The following ATAD3A variants were observed in gnomAD, a reference collection of about 807,000 sequenced individuals.
ATAD3A encodes ATPase family AAA domain containing 3A.
In ATAD3A, 46 loss-of-function variants were observed where a neutral mutation model predicts 73.8. The observed-to-expected ratio is 0.62, with a 90% CI of 0.49 to 0.80. The LOEUF is 0.80. ATAD3A is among the 30% of genes least tolerant of loss of function. ATAD3A has a pLI of 0.00. For synonymous variants in ATAD3A, 319 were observed against 350.0 expected (o/e 0.91, Z 0.99); for missense variants, 705 against 838.0 (o/e 0.84, Z 1.96).
intron 4 of ATAD3A, among the ~76,000 whole-genome samples, chr1:1,518,622 C>CT (rs1557460783): frequency 8.7e-4 from 40 of 45,782 alleles, no homozygotes; most frequent in East Asian, 6.7e-3. Context: ...GGCGTACACA[C>CT]CCCCCCCCAC....
intron 5 of ATAD3A, 84 bp downstream of exon 5, chr1:1,519,074 C>T (rs1485342368): frequency 2.8e-5 from 45 of 1,608,724 alleles, no homozygotes; most frequent in South Asian, 2.5e-4. Context: ...TGAGTTCTGC[C>T]GCCCGGCCCC....
chr1:1,516,570 A>G (rs550816284), intron 2 of ATAD3A, among the ~76,000 whole-genome samples: 14 of 151,844 alleles, frequency 9.2e-5, no homozygotes, highest in African/African-American at 3.4e-4. Flanking sequence ...CCGCCACCAC[A>G]CCTGGCTAAT....
At chr1:1,527,435 A>G (rs1403461038) in intron 13 of ATAD3A, among the ~76,000 whole-genome samples, 1 of 152,120 alleles carries the variant, frequency 6.6e-6, no homozygotes, top group Admixed American at 6.5e-5. Flanking sequence ...GCAGCAGGAG[A>G]GAGTGGTGTT....
intron 15 of ATAD3A, among the ~76,000 whole-genome samples, chr1:1,533,269 C>T (rs1307326608): frequency 3.9e-5 from 6 of 152,242 alleles, no homozygotes; most frequent in Non-Finnish European, 2.9e-5. Flanking sequence ...CTGACCCTGA[C>T]CCTGACCCAC....
Position 1,534,455 on chromosome 1 carries a change from A to C in ATAD3A, c.*383A>C. 1 of 1,194,422 alleles carries C rather than the reference A, an allele frequency of 8.4e-7. No individual in the cohort carries two copies. The highest frequency in any genetic ancestry group is 2.7e-5 in the South Asian group (1 of 37,230). 74.0% of individuals were successfully genotyped at this position (1,194,422 alleles called of 1,614,324 possible). ...TGATGTCTTTGTTCTCGGCTCCCAC[A>C]GCAGAGCCAGGTGAGGGGGCGCCTG... On this transcript the variant is annotated 3_prime_UTR_variant, in exon 16 of 16. Coordinates refer to ENST00000378756, the MANE Select transcript of ATAD3A (RefSeq NM_001170535.3).
chr1:1,512,951 T>C (rs1641248204), intron 1 of ATAD3A, among the ~76,000 whole-genome samples: 1 of 152,206 alleles, frequency 6.6e-6, no homozygotes, highest in South Asian at 2.1e-4. Flanking sequence ...TGGAAGACGT[T>C]AGCATTTGCA....
At position 1,534,081 on chromosome 1, in the gene ATAD3A, G is replaced by A; in HGVS notation, c.*9G>A. Reference sequence around the variant, plus strand: ...AGCCCTCCCCATCCTGAGTCCACAGGGAGATCCACAGCTCACGGAGCCTGG... The same window carrying A: ...AGCCCTCCCCATCCTGAGTCCACAGAGAGATCCACAGCTCACGGAGCCTGG... On this transcript the variant is annotated 3_prime_UTR_variant, in exon 16 of 16. Transcript: ENST00000378756. The A allele has an allele frequency of 1.2e-6, 2 of 1,613,388 alleles. No individual in the cohort carries two copies. Among genetic ancestry groups the A allele is most frequent in the East Asian group, 2.2e-5 (1 of 44,868 alleles).
intron 14 of ATAD3A, 112 bp downstream of exon 14, chr1:1,527,974 T>C (rs1641909641): frequency 2.3e-6 from 3 of 1,306,166 alleles, no homozygotes; most frequent in South Asian, 1.5e-5. Flanking sequence ...TTTTTTTTTT[T>C]TTGAGACAAA....
At chr1:1,529,170 C>A in intron 14 of ATAD3A, 53 bp from the exon 15 acceptor site, 1 of 1,595,092 alleles carries the variant, frequency 6.3e-7, no homozygotes, top group Non-Finnish European at 8.5e-7. Context: ...GCCTCCACCT[C>A]GTGTTGTGGG....
rs188140923 is a variant in ATAD3A at position 1,514,588 on chromosome 1, C to G, written c.206-1424C>G. On this transcript the variant is annotated intron_variant, in intron 1 of 15. Transcript: ENST00000378756. The stretch of plus-strand genomic sequence containing the variant: ...CGTCAGCCCAGTTCGTGCCTAACCA[C>G]AGGCCCAAGCAGACCCACCCCAACA... Among the ~76,000 whole-genome samples, 536 of 152,354 alleles carry G rather than the reference C, an allele frequency of 3.5e-3. 3 individuals carry two copies. Among genetic ancestry groups the G allele is most frequent in the African/African-American group, 0.012 (515 of 41,594 alleles).
At chr1:1,527,639 C>T (rs1268515908) in intron 13 of ATAD3A, 56 bp from the exon 14 acceptor site, 8 of 1,559,748 alleles carry the variant, frequency 5.1e-6, no homozygotes, top group Non-Finnish European at 6.9e-6. Context: ...CCCCGTTCCC[C>T]TTGGTGCAGC....
rs145750106 is a variant in ATAD3A at position 1,528,805 on chromosome 1, C to T, written c.1506-418C>T. ...CCTGCTCCATGCCAGCCCAGCTTTC[C>T]GGGCCTCAGTTTCCCTATGCCCTCC... On this transcript the variant is annotated intron_variant, in intron 14 of 15. Coordinates refer to ENST00000378756, the MANE Select transcript of ATAD3A (RefSeq NM_001170535.3). Among the ~76,000 whole-genome samples, 1,041 of 152,370 alleles carry T rather than the reference C, an allele frequency of 6.8e-3. 14 individuals are homozygous for T. Among genetic ancestry groups the T allele is most frequent in the African/African-American group, 0.023 (967 of 41,592 alleles).
chr1:1,518,784 C>T, intron 4 of ATAD3A, 137 bp from the exon 5 acceptor site: 3 of 1,544,682 alleles, frequency 1.9e-6, no homozygotes, highest in Non-Finnish European at 2.6e-6. Flanking sequence ...ACCGTCACCC[C>T]CCGCAAACGG....
At position 1,520,429 on chromosome 1, in the gene ATAD3A, A is replaced by G. The variant is rs1416357269; in HGVS notation, c.681-119A>G. On this transcript the variant is annotated intron_variant, in intron 6 of 15. Coordinates refer to ENST00000378756, the MANE Select transcript of ATAD3A (RefSeq NM_001170535.3). This position sits in a 1 kb window ranked among gnomAD's most constrained non-coding sequence, Gnocchi z 4.0. Reference sequence around the variant, plus strand: ...CGTAGGCTGACTCCTTGGTGGGGGCACTGCCCCTCTGTCCTGGCAAGGCCG... The same window carrying G: ...CGTAGGCTGACTCCTTGGTGGGGGCGCTGCCCCTCTGTCCTGGCAAGGCCG... 1.9e-6 allele frequency: 3 copies of G among 1,596,028 alleles called. No homozygotes were observed. Among genetic ancestry groups the G allele is most frequent in the Non-Finnish European group, 2.6e-6 (3 of 1,168,252 alleles).
In ATAD3A at chr1:1,520,572, A is replaced by G. The variant is rs373697263; in HGVS notation, c.705A>G (p.Glu235=). The G allele has an allele frequency of 3.7e-6, 6 of 1,613,884 alleles. No individual in the cohort carries two copies. Among genetic ancestry groups the G allele is most frequent in the South Asian group, 1.1e-5 (1 of 91,060 alleles). ...GGACGGCTGGCACCTTGTTTGGGGA[A>G]GGATTCCGTGCCTTTGTGACAGACT... is the stretch of plus-strand genomic sequence containing the variant. ...SIRTAGTLFG[E]GFRAFVTDWD... Residue 235 remains glutamate, a synonymous_variant, in exon 7 of 16, where the codon GAA becomes GAG. Coordinates refer to ENST00000378756, the MANE Select transcript of ATAD3A (RefSeq NM_001170535.3). This position sits in a 1 kb window ranked among gnomAD's most constrained non-coding sequence, Gnocchi z 4.0.
chr1:1,523,652 G>A lies in ATAD3A; in HGVS notation c.963+85G>A. 9 of 1,603,168 alleles carry A rather than the reference G, an allele frequency of 5.6e-6. No individual in the cohort carries two copies. Among genetic ancestry groups the A allele is most frequent in the African/African-American group, 1.3e-5 (1 of 74,656 alleles). On this transcript the variant is annotated intron_variant, in intron 9 of 15. Coordinates refer to ENST00000378756, the MANE Select transcript of ATAD3A (RefSeq NM_001170535.3). The surrounding 1 kb of genome is among the most constrained non-coding windows in gnomAD (Gnocchi z 5.1). ...GCTGTGGCCCTTGCTGGCGCTCGTG[G>A]TGGCACCCAGGAGCTTTTGGGTCCT...
chr1:1,517,306 T>C lies in ATAD3A; in HGVS notation c.283-5T>C. The C allele has an allele frequency of 1.3e-6, 2 of 1,546,688 alleles. No individual in the cohort carries two copies. The highest frequency in any genetic ancestry group is 1.7e-6 in the Non-Finnish European group (2 of 1,146,644). ...GTGCCAGCTGGTGAGTGCTGTGCTCTGCAGGAGTATGAGGCCGCCGTGGAG... is the reference window on the plus strand; with the variant it reads ...GTGCCAGCTGGTGAGTGCTGTGCTCCGCAGGAGTATGAGGCCGCCGTGGAG... On this transcript the variant is annotated splice_polypyrimidine_tract_variant and splice_region_variant and intron_variant, in intron 2 of 15. Coordinates refer to ENST00000378756, the MANE Select transcript of ATAD3A (RefSeq NM_001170535.3).
In ATAD3A at chr1:1,517,170, C is replaced by T. The variant is rs764758709; in HGVS notation, c.283-141C>T. The T allele has an allele frequency of 1.5e-5, 24 of 1,548,860 alleles. No individual in the cohort carries two copies. Among genetic ancestry groups the T allele is most frequent in the East Asian group, 2.5e-5 (1 of 40,630 alleles). ...CAGGGCCTGATCCTGGGTGCAGATGCGGCTGGAAGCCCTGAGCCTGCTGCA... is the reference window on the plus strand; with the variant it reads ...CAGGGCCTGATCCTGGGTGCAGATGTGGCTGGAAGCCCTGAGCCTGCTGCA... On this transcript the variant is annotated intron_variant, in intron 2 of 15. Coordinates refer to ENST00000378756, the MANE Select transcript of ATAD3A (RefSeq NM_001170535.3).
intron 15 of ATAD3A, among the ~76,000 whole-genome samples, chr1:1,533,307 C>T (rs1410160376): frequency 6.6e-6 from 1 of 152,234 alleles, no homozygotes; most frequent in Non-Finnish European, 1.5e-5. Context: ...GACTCCACGC[C>T]CTTCGCTGGC....
Sources: allele counts gnomAD v4.1 joint callset (sites outside exome capture counted in the v4.1 genomes callset), GRCh38; gene constraint gnomAD v4.1.1; non-coding constraint Gnocchi (gnomAD v3.1); transcripts MANE v1.5; gene names NCBI Gene and HGNC (gene_info 2026-07-23, HGNC 2026-07-21).